The following NFATC1 variants were observed in gnomAD, a reference collection of about 807,000 sequenced individuals.
NFATC1 encodes the protein nuclear factor of activated T-cells, cytoplasmic 1.
In NFATC1, 22 loss-of-function variants were observed where a neutral mutation model predicts 76.0. The ratio of observed to expected loss-of-function variants is 0.29; its 90% CI spans 0.21 to 0.41. The LOEUF (loss-of-function observed/expected upper bound fraction) is 0.41, where lower values mean the gene tolerates loss of function less well. Ranked by LOEUF, NFATC1 falls within the 10% of genes least tolerant of loss-of-function variation. The pLI is 1.00. For synonymous variants in NFATC1, 704 were observed against 613.1 expected, an observed-to-expected ratio of 1.15 and a Z score of -2.19; for missense variants, 1,357 against 1,337.7, an observed-to-expected ratio of 1.01 and a Z score of -0.23.
At chr18:79,492,261 G>A (rs1411975111) in intron 9 of NFATC1, among the ~76,000 whole-genome samples, 6 of 152,098 alleles carry the variant, frequency 3.9e-5, no homozygotes, top group Non-Finnish European at 7.4e-5. Context: ...CACATCCTGT[G>A]CGTCTCAAAG....
chr18:79,463,349 C>A (rs2088226738), intron 7 of NFATC1, among the ~76,000 whole-genome samples: 1 of 152,246 alleles, frequency 6.6e-6, no homozygotes, highest in African/African-American at 2.4e-5. Flanking sequence ...GTCCGCAGAG[C>A]CAGTGAGTCA....
At chr18:79,454,936 C>T (rs576478028) in intron 6 of NFATC1, among the ~76,000 whole-genome samples, 294 of 152,218 alleles carry the variant, frequency 1.9e-3, no homozygotes, top group Non-Finnish European at 3.2e-3. Context: ...GTCTGTGTTC[C>T]GATGTGAGGC....
chr18:79,464,699 T>TG (rs1568994752), intron 7 of NFATC1, among the ~76,000 whole-genome samples: 1 of 83,814 alleles, frequency 1.2e-5, no homozygotes, highest in Non-Finnish European at 2.3e-5. Context: ...TATATATTTA[T>TG]TTATTTATTT....
At chr18:79,509,431 C>T (rs1445686105) in intron 9 of NFATC1, among the ~76,000 whole-genome samples, 6 of 152,176 alleles carry the variant, frequency 3.9e-5, no homozygotes, top group African/African-American at 7.2e-5. Context: ...CAGTGGGCGG[C>T]GAGGGGGTTG....
chr18:79,429,305 C>A (rs767098701), intron 2 of NFATC1, among the ~76,000 whole-genome samples: 22 of 150,684 alleles, frequency 1.5e-4, no homozygotes, highest in Non-Finnish European at 2.8e-4. Flanking sequence ...CCGTCCAGAC[C>A]GGGTGGACGT....
intron 2 of NFATC1, among the ~76,000 whole-genome samples, chr18:79,426,528 G>A (rs975004909): frequency 2.0e-5 from 3 of 152,226 alleles, no homozygotes; most frequent in Admixed American, 6.5e-5. Flanking sequence ...CCTGGCAGGT[G>A]TTTCCATTTG....
intron 8 of NFATC1, among the ~76,000 whole-genome samples, chr18:79,480,883 C>T (rs977300491): frequency 2.0e-5 from 3 of 152,224 alleles, no homozygotes; most frequent in Admixed American, 6.5e-5. Flanking sequence ...CTGAAAATCC[C>T]GAGCAGCGGA....
In NFATC1 at chr18:79,410,888, T is replaced by C. The variant is rs573464704; in HGVS notation, c.613T>C (p.Trp205Arg). Residue 205 changes from tryptophan to arginine, a missense_variant, in exon 2 of 10, where the codon TGG becomes CGG. Trp to Arg is a moderately radical substitution (Grantham distance 101). Coordinates refer to ENST00000427363, the MANE Select transcript of NFATC1 (RefSeq NM_001278669.2). This position sits in a 1 kb window ranked among gnomAD's most constrained non-coding sequence, Gnocchi z 6.7. ...GTACGCGTCCCCCCAGACGTCGCCA[T>C]GGCAGTCTCCCTGCGTGTCTCCCAA... Reference protein sequence around the residue: ...YPYASPQTSPWQSPCVSPKTT... With the variant: ...YPYASPQTSPRQSPCVSPKTT... 6.2e-7 allele frequency: 1 copy of C among 1,609,154 alleles called. No individual in the cohort carries two copies. Among genetic ancestry groups the C allele is most frequent in the African/African-American group, 1.3e-5 (1 of 74,990 alleles).
At chr18:79,454,039 G>T (rs1314549805) in intron 6 of NFATC1, among the ~76,000 whole-genome samples, 1 of 152,194 alleles carries the variant, frequency 6.6e-6, no homozygotes, top group Non-Finnish European at 1.5e-5. Flanking sequence ...CTCGTTTTCT[G>T]ATGGGATCGT....
In NFATC1 at chr18:79,467,582, G is replaced by A. The variant is rs759853808; in HGVS notation, c.2092G>A (p.Val698Ile). 2 of 1,613,890 alleles carry A rather than the reference G, an allele frequency of 1.2e-6. No individual in the cohort carries two copies. Among genetic ancestry groups the A allele is most frequent in the Non-Finnish European group, 1.7e-6 (2 of 1,179,944 alleles). Reference sequence around the variant, plus strand: ...GCGTTTCACCTACCTTCCCGCCAACGGTAACGCCATCTTTCTAACCGTAAG... The same window carrying A: ...GCGTTTCACCTACCTTCCCGCCAACAGTAACGCCATCTTTCTAACCGTAAG... ...YQRFTYLPAN[V>I]PIIKTEPTDD... Residue 698 changes from valine to isoleucine, a missense_variant and splice_region_variant, in exon 8 of 10, where the codon GTT becomes ATT. Physicochemically the swap from Val to Ile is conservative, Grantham distance 29. Transcript: ENST00000427363.
intron 1 of NFATC1, among the ~76,000 whole-genome samples, chr18:79,399,347 C>G (rs1205136715): frequency 6.6e-6 from 1 of 152,254 alleles, no homozygotes; most frequent in Non-Finnish European, 1.5e-5. Context: ...AAGGCAGTGC[C>G]CGCGGGGCAG....
At chr18:79,471,458 A>T (rs2088784294) in intron 8 of NFATC1, among the ~76,000 whole-genome samples, 1 of 152,216 alleles carries the variant, frequency 6.6e-6, no homozygotes, top group Non-Finnish European at 1.5e-5. Flanking sequence ...GTATTTTTTT[A>T]AACGAGAAAA....
intron 9 of NFATC1, among the ~76,000 whole-genome samples, chr18:79,500,921 G>T (rs1207200260): frequency 6.6e-6 from 1 of 152,114 alleles, no homozygotes; most frequent in East Asian, 1.9e-4. Context: ...AACATTACAA[G>T]AATAATACCA....
intron 6 of NFATC1, among the ~76,000 whole-genome samples, chr18:79,453,618 C>T (rs965225410): frequency 1.8e-4 from 28 of 152,206 alleles, no homozygotes; most frequent in African/African-American, 6.8e-4. Context: ...CTGCCCATGT[C>T]CTCCTCTTGT....
chr18:79,453,816 A>G (rs1010044506), intron 6 of NFATC1, among the ~76,000 whole-genome samples: 8 of 152,222 alleles, frequency 5.3e-5, no homozygotes, highest in African/African-American at 1.9e-4. Context: ...TTGCATATTC[A>G]TACACACACA....
At chr18:79,434,277 G>A (rs2086696093) in intron 3 of NFATC1, among the ~76,000 whole-genome samples, 1 of 152,224 alleles carries the variant, frequency 6.6e-6, no homozygotes, top group Non-Finnish European at 1.5e-5. Flanking sequence ...TGGCAACCCT[G>A]CAGCCGCGTC....
chr18:79,406,941 G>A (rs115281424), intron 1 of NFATC1, among the ~76,000 whole-genome samples: 3,013 of 152,318 alleles, frequency 0.02, 103 homozygotes, highest in African/African-American at 0.067. Flanking sequence ...GGGGCGTGGG[G>A]CACAGGGCGA....
intron 2 of NFATC1, among the ~76,000 whole-genome samples, chr18:79,424,179 T>C (rs989964645): frequency 2.0e-5 from 3 of 152,206 alleles, no homozygotes; most frequent in East Asian, 1.9e-4. Context: ...TCGGGAATCA[T>C]GTCGGGGGTG....
intron 2 of NFATC1, among the ~76,000 whole-genome samples, chr18:79,428,723 C>T (rs1041470415): frequency 8.5e-5 from 13 of 152,130 alleles, no homozygotes; most frequent in African/African-American, 2.9e-4. Context: ...GTGCCTGTAA[C>T]CCCAGCACTT....
Sources: allele counts gnomAD v4.1 joint callset (sites outside exome capture counted in the v4.1 genomes callset), GRCh38; gene constraint gnomAD v4.1.1; non-coding constraint Gnocchi (gnomAD v3.1); transcripts MANE v1.5; gene names NCBI Gene and HGNC (gene_info 2026-07-23, HGNC 2026-07-21).